ESRRG: variants seen among roughly 807,000 people sequenced by gnomAD.
The protein encoded by ESRRG is estrogen related receptor gamma, also known as estrogen-related receptor gamma.
A neutral mutation model predicts 44.0 loss-of-function variants in ESRRG; 13 were observed. The observed-to-expected ratio is 0.30, with a 90% CI of 0.19 to 0.47. ESRRG has a LOEUF of 0.47. ESRRG is among the 20% of genes least tolerant of loss of function. ESRRG has a pLI of 1.00. For missense variants in ESRRG, 395 were observed against 580.6 expected, an observed-to-expected ratio of 0.68 and a Z score of 3.29; for synonymous variants, 215 against 214.6, an observed-to-expected ratio of 1.00 and a Z score of -0.02.
intron 2 of ESRRG, among the ~76,000 whole-genome samples, chr1:216,764,053 C>G (rs373675112): frequency 6.6e-6 from 1 of 152,116 alleles, no homozygotes; most frequent in Admixed American, 6.6e-5. Context: ...CTGTGGCTAT[C>G]GGAATCTCCA....
chr1:216,857,384 A>C (rs1436021419), intron 2 of ESRRG, among the ~76,000 whole-genome samples: 1 of 151,818 alleles, frequency 6.6e-6, no homozygotes, highest in Non-Finnish European at 1.5e-5. Flanking sequence ...AAAGAAAAAA[A>C]CTTTAAAAAA....
chr1:217,066,042 T>A (rs2089600067), intron 1 of ESRRG, among the ~76,000 whole-genome samples: 1 of 152,188 alleles, frequency 6.6e-6, no homozygotes, highest in African/African-American at 2.4e-5. Flanking sequence ...AGCTGAATTA[T>A]CATGTGGACA....
intron 2 of ESRRG, among the ~76,000 whole-genome samples, chr1:216,906,370 G>C (rs945408192): frequency 3.3e-5 from 5 of 152,130 alleles, no homozygotes; most frequent in Non-Finnish European, 5.9e-5. Flanking sequence ...TCCAGACTAA[G>C]GTGGAGGGAG....
At chr1:216,549,899 T>C (rs556736232) in intron 5 of ESRRG, among the ~76,000 whole-genome samples, 1 of 152,136 alleles carries the variant, frequency 6.6e-6, no homozygotes, top group Non-Finnish European at 1.5e-5. Flanking sequence ...AGAGAGGAAA[T>C]ATAGAAGATT....
chr1:216,692,190 T>C (rs1348212903), intron 1 of ESRRG, among the ~76,000 whole-genome samples: 1 of 152,044 alleles, frequency 6.6e-6, no homozygotes, highest in Non-Finnish European at 1.5e-5. Flanking sequence ...AAGGCATTGT[T>C]GTCATAGGAG....
intron 2 of ESRRG, among the ~76,000 whole-genome samples, chr1:216,930,125 G>T (rs2063143739): frequency 1.3e-5 from 2 of 152,114 alleles, no homozygotes; most frequent in South Asian, 4.2e-4. Flanking sequence ...CCCCTTTGAA[G>T]AACCTTTCTC....
chr1:216,790,750 G>T (rs1196060710), intron 2 of ESRRG, among the ~76,000 whole-genome samples: 3 of 152,110 alleles, frequency 2.0e-5, no homozygotes, highest in Non-Finnish European at 4.4e-5. Context: ...TTGAAAATAA[G>T]AATAATGAAT....
chr1:216,586,920 A>T (rs1317689158), intron 3 of ESRRG, among the ~76,000 whole-genome samples: 1 of 152,090 alleles, frequency 6.6e-6, no homozygotes, highest in African/African-American at 2.4e-5. Flanking sequence ...CACCAACATA[A>T]TATTTAAGGT....
intron 1 of ESRRG, chr1:217,078,300 A>C (rs892766446): frequency 2.0e-5 from 3 of 152,262 alleles, no homozygotes; most frequent in African/African-American, 7.2e-5. Flanking sequence ...GAGATCTTGG[A>C]AAGTCTCAGG....
intron 1 of ESRRG, among the ~76,000 whole-genome samples, chr1:217,043,667 C>A (rs1256510259): frequency 6.6e-6 from 1 of 151,432 alleles, no homozygotes; most frequent in African/African-American, 2.4e-5. Context: ...TTTTTTGCAC[C>A]CCAATCCTGG....
intron 2 of ESRRG, among the ~76,000 whole-genome samples, chr1:216,831,792 T>C (rs1314947835): frequency 6.8e-6 from 1 of 147,502 alleles, no homozygotes; most frequent in African/African-American, 2.4e-5. Flanking sequence ...GGTTTTCAAA[T>C]GTGGGGCCTG....
At chr1:217,001,648 C>A (rs1294679416) in intron 1 of ESRRG, among the ~76,000 whole-genome samples, 1 of 152,136 alleles carries the variant, frequency 6.6e-6, no homozygotes, top group Admixed American at 6.5e-5. Context: ...AACGGCAAGT[C>A]TGGTAAGCTC....
chr1:216,534,939 A>T (rs1378041064), intron 5 of ESRRG, among the ~76,000 whole-genome samples: 1 of 152,152 alleles, frequency 6.6e-6, no homozygotes, highest in East Asian at 1.9e-4. Context: ...AAAGCCCATC[A>T]GTGGGTCAAT....
rs529943636 is a variant in ESRRG, at chr1:216,896,974, A to T, written c.-14+42608T>A. 3.9e-4 allele frequency among the ~76,000 whole-genome samples: 60 copies of T among 152,340 alleles called. 2 individuals carry two copies. Among genetic ancestry groups the T allele is most frequent in the African/African-American group, 1.3e-3 (55 of 41,582 alleles). ...TACCTAGAGACCTAGAAAGAATTGC[A>T]TCTGTTGCAGAGCCATCTTTTTTTG... On this transcript the variant is annotated intron_variant, in intron 2 of 7. Transcript: ENST00000359162.
intron 5 of ESRRG, among the ~76,000 whole-genome samples, chr1:216,544,198 A>AT (rs1261483115): frequency 6.6e-6 from 1 of 151,936 alleles, no homozygotes; most frequent in East Asian, 1.9e-4. Context: ...TGTCATTATT[A>AT]TTTTTTCATC....
At chr1:217,029,987 G>A (rs1338145537) in intron 1 of ESRRG, among the ~76,000 whole-genome samples, 2 of 152,154 alleles carry the variant, frequency 1.3e-5, no homozygotes, top group African/African-American at 4.8e-5. Flanking sequence ...GCATTTCCCA[G>A]GCAGGGAAAA....
chr1:216,618,794 G>A (rs1161237847), intron 3 of ESRRG, among the ~76,000 whole-genome samples: 2 of 152,206 alleles, frequency 1.3e-5, no homozygotes, highest in African/African-American at 4.8e-5. Context: ...TAAATTCAAT[G>A]AACTTGAGTG....
chr1:216,503,952 C>T lies in ESRRG; in HGVS notation c.*2987G>A, dbSNP rs2040780956. 2 of 152,546 alleles carry T rather than the reference C, an allele frequency of 1.3e-5. No homozygotes were observed. Among genetic ancestry groups the T allele is most frequent in the Non-Finnish European group, 2.9e-5 (2 of 67,982 alleles). The allele number at this position is 152,546 out of a possible 1,614,324, so 9.4% of individuals were successfully genotyped here. A position where few individuals can be genotyped will look rare whatever the true frequency, so the allele number is the denominator to read the frequency against. On this transcript the variant is annotated 3_prime_UTR_variant, in exon 7 of 7. Transcript: ENST00000408911. ...GCTTGAAACTTGAGAAGACTTCCCT[C>T]TAGTGAGGTTTAAGATGAGCATTTA...
intron 1 of ESRRG, among the ~76,000 whole-genome samples, chr1:216,983,685 CAT>C (rs1491368331): frequency 9.2e-4 from 52 of 56,578 alleles, no homozygotes; most frequent in Admixed American, 2.2e-3. Flanking sequence ...CGTGCATGTG[CAT>C]GTGTGTGTGT....
Sources: allele counts gnomAD v4.1 joint callset (sites outside exome capture counted in the v4.1 genomes callset), GRCh38; gene constraint gnomAD v4.1.1; transcripts MANE v1.5; gene names NCBI Gene and HGNC (gene_info 2026-07-23, HGNC 2026-07-21).